The following CNTNAP2 variants were observed in gnomAD, a reference collection of about 807,000 sequenced individuals.
The protein encoded by CNTNAP2 is contactin-associated protein-like 2.
In CNTNAP2, 98 loss-of-function variants were observed where a neutral mutation model predicts 155.2. The observed-to-expected ratio is 0.63, with a 90% CI of 0.54 to 0.75. The LOEUF (loss-of-function observed/expected upper bound fraction) is 0.75, where lower values mean the gene tolerates loss of function less well. CNTNAP2 is among the 30% of genes least tolerant of loss of function. The pLI is 0.00. For missense variants in CNTNAP2, 1,727 were observed against 1,688.1 expected, an observed-to-expected ratio of 1.02 and a Z score of -0.40; for synonymous variants, 651 against 631.2, an observed-to-expected ratio of 1.03 and a Z score of -0.47.
intron 10 of CNTNAP2, among the ~76,000 whole-genome samples, chr7:147,421,066 T>G (rs1797283343): frequency 6.6e-6 from 1 of 152,208 alleles, no homozygotes; most frequent in African/African-American, 2.4e-5. Flanking sequence ...ATAGATGAAA[T>G]CTCTATTCAA....
chr7:147,136,708 TC>T (rs753332942), intron 8 of CNTNAP2, among the ~76,000 whole-genome samples: 3 of 152,002 alleles, frequency 2.0e-5, no homozygotes, highest in Non-Finnish European at 2.9e-5. Flanking sequence ...TATTAATATT[TC>T]TTTAAAAAAT....
chr7:147,559,865 TAAAA>T (rs57030720), intron 11 of CNTNAP2, among the ~76,000 whole-genome samples: 1 of 140,596 alleles, frequency 7.1e-6, no homozygotes, highest in African/African-American at 2.7e-5. Context: ...TTGCCGATCT[TAAAA>T]AAAAAAAAAA....
At chr7:146,959,768 C>T (rs1797519260) in intron 3 of CNTNAP2, among the ~76,000 whole-genome samples, 1 of 151,472 alleles carries the variant, frequency 6.6e-6, no homozygotes, top group Admixed American at 6.6e-5. Flanking sequence ...AATCACATTT[C>T]CAGGCTGATT....
At chr7:148,293,850 C>T (rs926463042) in intron 21 of CNTNAP2, among the ~76,000 whole-genome samples, 4 of 151,906 alleles carry the variant, frequency 2.6e-5, no homozygotes, top group African/African-American at 9.7e-5. Context: ...GCCTAGCCAA[C>T]ATGGTGAAAC....
chr7:146,664,230 C>T (rs1585031593), intron 1 of CNTNAP2, among the ~76,000 whole-genome samples: 1 of 133,186 alleles, frequency 7.5e-6, no homozygotes, highest in Non-Finnish European at 1.5e-5. Flanking sequence ...GGCATGATCT[C>T]GGGTCACTGC....
At chr7:147,134,492 A>G (rs1030858392) in intron 8 of CNTNAP2, among the ~76,000 whole-genome samples, 1 of 151,796 alleles carries the variant, frequency 6.6e-6, no homozygotes, top group Non-Finnish European at 1.5e-5. Context: ...TTACTGCTTC[A>G]AGCATTTTAT....
chr7:147,479,573 A>G (rs774146554), intron 10 of CNTNAP2, among the ~76,000 whole-genome samples: 54 of 152,358 alleles, frequency 3.5e-4, no homozygotes, highest in Admixed American at 2.8e-3. Flanking sequence ...AGTGAGAAAT[A>G]TATTGTAAAA....
chr7:146,641,613 G>C (rs1799709507), intron 1 of CNTNAP2, among the ~76,000 whole-genome samples: 1 of 152,028 alleles, frequency 6.6e-6, no homozygotes, highest in African/African-American at 2.4e-5. Context: ...TGGTTATGTG[G>C]GGTAATGGAA....
intron 3 of CNTNAP2, among the ~76,000 whole-genome samples, chr7:146,948,502 C>A (rs1420166128): frequency 2.0e-5 from 3 of 151,904 alleles, no homozygotes; most frequent in Non-Finnish European, 2.9e-5. Context: ...TAATGTTAGT[C>A]TGACAAAAAA....
intron 9 of CNTNAP2, among the ~76,000 whole-genome samples, chr7:147,315,673 C>G (rs201350913): frequency 3.3e-5 from 5 of 151,572 alleles, no homozygotes; most frequent in Non-Finnish European, 7.4e-5. Context: ...GTAGAGATGG[C>G]GTTTAACTGT....
chr7:147,912,987 C>T (rs17237331), intron 14 of CNTNAP2, among the ~76,000 whole-genome samples: 30,885 of 152,126 alleles, frequency 0.2, 3,503 homozygotes, highest in Middle Eastern at 0.29. Context: ...TCTTCAGGGA[C>T]GCCTCCTGTA....
chr7:146,910,826 G>A (rs1415975618), intron 3 of CNTNAP2, among the ~76,000 whole-genome samples: 2 of 149,028 alleles, frequency 1.3e-5, no homozygotes, highest in Non-Finnish European at 3.0e-5. Context: ...AAACTAAAGA[G>A]CTTCTGCACA....
At chr7:147,021,724 G>A (rs1798820333) in intron 3 of CNTNAP2, among the ~76,000 whole-genome samples, 2 of 152,064 alleles carry the variant, frequency 1.3e-5, no homozygotes, top group Non-Finnish European at 2.9e-5. Context: ...ATCTTATTAT[G>A]TTTTACCTCC....
At chr7:147,797,663 T>C (rs73460131) in intron 13 of CNTNAP2, among the ~76,000 whole-genome samples, 9,397 of 152,214 alleles carry the variant, frequency 0.062, 318 homozygotes, top group African/African-American at 0.082. Context: ...GAATCTTGAA[T>C]AGAGGAATGT....
intron 5 of CNTNAP2, among the ~76,000 whole-genome samples, chr7:147,113,336 CTTCT>C (rs972718270): frequency 6.6e-6 from 1 of 151,700 alleles, no homozygotes; most frequent in Non-Finnish European, 1.5e-5. Flanking sequence ...TCTCTCTTTT[CTTCT>C]TTATTATTCT....
At chr7:146,971,631 G>C (rs1007429502) in intron 3 of CNTNAP2, among the ~76,000 whole-genome samples, 1 of 152,100 alleles carries the variant, frequency 6.6e-6, no homozygotes, top group Non-Finnish European at 1.5e-5. Context: ...AGGGTCCTCT[G>C]GTGAGGGTCC....
At chr7:146,516,832 G>T (rs1563115922) in intron 1 of CNTNAP2, among the ~76,000 whole-genome samples, 1 of 151,906 alleles carries the variant, frequency 6.6e-6, no homozygotes, top group Non-Finnish European at 1.5e-5. Flanking sequence ...GGCTATAAAT[G>T]AAATTCAAAC....
intron 1 of CNTNAP2, among the ~76,000 whole-genome samples, chr7:146,645,485 T>C (rs1799795956): frequency 6.6e-6 from 1 of 152,162 alleles, no homozygotes; most frequent in East Asian, 1.9e-4. Flanking sequence ...TGTTCTATAA[T>C]ATGTATCTAC....
intron 8 of CNTNAP2, among the ~76,000 whole-genome samples, chr7:147,278,388 C>A (rs10268597): frequency 0.47 from 70,516 of 151,534 alleles, 17,109 homozygotes; most frequent in East Asian, 0.71. Context: ...AGTTGAGGAC[C>A]ATGTTTCAAA....
Sources: gnomAD v4.1 joint callset for allele counts (sites outside exome capture counted in the v4.1 genomes callset) on GRCh38, gnomAD v4.1.1 for gene constraint, MANE v1.5 for transcripts, NCBI Gene and HGNC (gene_info 2026-07-23, HGNC 2026-07-21) for gene names.